The following SCAF4 variants were observed in gnomAD, a reference collection of about 807,000 sequenced individuals.
SCAF4 encodes the protein SR-related CTD associated factor 4, also known as SR-related and CTD-associated factor 4.
A neutral mutation model predicts 129.8 loss-of-function variants in SCAF4; 25 were observed. That is an observed-to-expected ratio of 0.19 (90% confidence interval 0.14 to 0.27). SCAF4 has a LOEUF of 0.27. SCAF4 is among the 10% of genes least tolerant of loss of function. The probability of loss-of-function intolerance (pLI) is 1.00; values close to 1 mark genes in which losing one functional copy is unlikely to be tolerated. For synonymous variants in SCAF4, 551 were observed against 497.7 expected (o/e 1.11, Z -1.43); for missense variants, 1,246 against 1,457.1 (o/e 0.86, Z 2.36).
intron 1 of SCAF4, among the ~76,000 whole-genome samples, chr21:31,717,852 C>T (rs1460872137): frequency 3.5e-4 from 44 of 124,544 alleles, no homozygotes; most frequent in African/African-American, 1.1e-3. Flanking sequence ...TACACACACA[C>T]ACACACACAC....
rs1466212618 is a variant in SCAF4 at position 31,693,500 on chromosome 21, G to A, written c.1323-16C>T. On this transcript the variant is annotated splice_polypyrimidine_tract_variant and intron_variant, in intron 11 of 19. Coordinates refer to ENST00000286835, the MANE Select transcript of SCAF4 (RefSeq NM_020706.2). ...TTTTGGTGACCTAATGTTTTCAAGA[G>A]AAGGGAGAATGCATAGCATATAGAC... 6.9e-7 allele frequency: 1 copy of A among 1,457,018 alleles called. No individual in the cohort carries two copies. The highest frequency in any genetic ancestry group is 9.2e-7 in the Non-Finnish European group (1 of 1,084,722). The allele number at this position is 1,457,018 out of a possible 1,614,324, so 90.3% of individuals were successfully genotyped here.
At chr21:31,716,150 A>C (rs1601259282) in intron 1 of SCAF4, among the ~76,000 whole-genome samples, 2 of 152,020 alleles carry the variant, frequency 1.3e-5, no homozygotes, top group Middle Eastern at 3.4e-3. Flanking sequence ...CTCAAGCAAT[A>C]TTTCTTTCTG....
rs2050348881 is a variant in SCAF4 at position 31,694,917 on chromosome 21, G to A, written c.1132C>T (p.Pro378Ser). Reference sequence around the variant, plus strand: ...GGAGGAATCACAGGCTGAGCCATGGGAGGAAATGGAGGTGTAGGAAGAAGT... The same window carrying A: ...GGAGGAATCACAGGCTGAGCCATGGAAGGAAATGGAGGTGTAGGAAGAAGT... The part of the protein sequence containing the change: ...FGLLPTPPFP[P>S]MAQPVIPPTP... Residue 378 changes from proline to serine, a missense_variant, in exon 10 of 20, where the codon CCC becomes TCC. Pro to Ser is a moderately conservative substitution (Grantham distance 74, BLOSUM62 -1). Transcript: ENST00000286835. The A allele has an allele frequency of 1.2e-6, 2 of 1,614,116 alleles. No individual in the cohort carries two copies. The highest frequency in any genetic ancestry group is 1.1e-5 in the South Asian group (1 of 91,080).
intron 14 of SCAF4, among the ~76,000 whole-genome samples, 189 bp from the exon 15 acceptor site, chr21:31,691,142 T>C (rs1163317629): frequency 5.3e-5 from 8 of 152,182 alleles, no homozygotes; most frequent in Admixed American, 4.6e-4. Context: ...TCTCACTTTG[T>C]CCTAGGATGG....
At chr21:31,682,125 A>AT (rs2050009184) in intron 19 of SCAF4, among the ~76,000 whole-genome samples, 1 of 152,160 alleles carries the variant, frequency 6.6e-6, no homozygotes, top group African/African-American at 2.4e-5. Flanking sequence ...GTCAAGATAA[A>AT]TTTTTTCCTA....
At chr21:31,702,401 A>T (rs892280515) in intron 4 of SCAF4, 22 bp from the exon 5 acceptor site, 1 of 1,604,820 alleles carries the variant, frequency 6.2e-7, no homozygotes, top group Non-Finnish European at 8.5e-7. Flanking sequence ...GAGAAACACA[A>T]ATATACAATA....
At chr21:31,706,409 A>T (rs1180897924) in intron 1 of SCAF4, 52 bp from the exon 2 acceptor site, 1 of 1,210,698 alleles carries the variant, frequency 8.3e-7, no homozygotes, top group Non-Finnish European at 1.2e-6. Flanking sequence ...TTGGCTAGTA[A>T]ATAAGCACCT....
chr21:31,689,254 T>C (rs953446735), intron 15 of SCAF4, among the ~76,000 whole-genome samples: 2 of 151,964 alleles, frequency 1.3e-5, no homozygotes, highest in Non-Finnish European at 2.9e-5. Flanking sequence ...TTGTTTCATC[T>C]CTTTTTGGCT....
rs1357752049 is a variant in SCAF4 at position 31,693,402 on chromosome 21, T to C, written c.1405A>G (p.Arg469Gly). 3 of 1,585,376 alleles carry C rather than the reference T, an allele frequency of 1.9e-6. No homozygotes were observed. Among genetic ancestry groups the C allele is most frequent in the Admixed American group, 1.7e-5 (1 of 59,260 alleles). The part of the protein sequence containing the change: ...HRRSRSRSRD[R>G]RRHSPRSRSQ... ...CGAGATCGGGGAGAATGTCGGCGTCTATCCCTGGACCGAGATCGAGAACGT... is the reference window on the plus strand; with the variant it reads ...CGAGATCGGGGAGAATGTCGGCGTCCATCCCTGGACCGAGATCGAGAACGT... The change falls in exon 12 of 20, where the codon AGA (arginine) becomes GGA (glycine). Residue 469 changes from arginine to glycine, a missense_variant. Coordinates refer to ENST00000286835, the MANE Select transcript of SCAF4 (RefSeq NM_020706.2).
chr21:31,681,878 T>G (rs2050002819), intron 19 of SCAF4, among the ~76,000 whole-genome samples: 1 of 152,180 alleles, frequency 6.6e-6, no homozygotes, highest in Non-Finnish European at 1.5e-5. Context: ...CACTACAGAA[T>G]TTTTGGAGAC....
chr21:31,677,849 T>C (rs1301913294), intron 19 of SCAF4, among the ~76,000 whole-genome samples: 1 of 152,194 alleles, frequency 6.6e-6, no homozygotes, highest in Non-Finnish European at 1.5e-5. Flanking sequence ...CTTGGAAGGT[T>C]ATTTCATCTC....
intron 7 of SCAF4, among the ~76,000 whole-genome samples, chr21:31,696,980 GTA>G (rs2050403550): frequency 1.3e-5 from 2 of 152,196 alleles, no homozygotes; most frequent in South Asian, 4.1e-4. Flanking sequence ...TTCCTCAATT[GTA>G]AGTACAGTGC....
rs375221844 is a variant in SCAF4, at chr21:31,703,940, G to A, written c.160-14C>T. 88 of 1,509,762 alleles carry A rather than the reference G, an allele frequency of 5.8e-5. 1 individual carries two copies. In the African/African-American group the frequency reaches 1.0e-3, roughly 17 times the overall value. The allele number at this position is 1,509,762 out of a possible 1,614,324, so 93.5% of individuals were successfully genotyped here. A position where few individuals can be genotyped will look rare whatever the true frequency, so the allele number is the denominator to read the frequency against. On this transcript the variant is annotated splice_polypyrimidine_tract_variant and intron_variant, in intron 3 of 19. Transcript: ENST00000286835. Reference sequence around the variant, plus strand: ...TTCTGGTTTACACTGCAAGGATAAAGATGTAAGATCAGTACAGAAAAAGCA... The same window carrying A: ...TTCTGGTTTACACTGCAAGGATAAAAATGTAAGATCAGTACAGAAAAAGCA...
intron 19 of SCAF4, among the ~76,000 whole-genome samples, chr21:31,681,108 C>A (rs181055490): frequency 4.8e-4 from 73 of 152,288 alleles, no homozygotes; most frequent in African/African-American, 1.6e-3. Flanking sequence ...TGCTTTAAAA[C>A]CTTTGGTAAC....
At position 31,712,222 on chromosome 21, in the gene SCAF4, C is replaced by CTTTTTTTTTTTTT. The variant is rs11408552; in HGVS notation, c.31-5878_31-5866dup. 5.8e-4 allele frequency among the ~76,000 whole-genome samples: 79 copies of CTTTTTTTTTTTTT among 135,412 alleles called. 1 individual carries two copies. Among genetic ancestry groups the CTTTTTTTTTTTTT allele is most frequent in the African/African-American group, 2.1e-3 (74 of 35,792 alleles). 88.8% of individuals were successfully genotyped at this position (135,412 alleles called of 152,430 possible). ...GTTTGATTCTCCCATTTGTTTGTTG[C>CTTTTTTTTTTTTT]TTTTTTTTTTTTTTTGAGACAGTCT... On this transcript the variant is annotated intron_variant, in intron 1 of 19. Transcript: ENST00000286835.
At chr21:31,691,368 T>G (rs1182122691) in intron 14 of SCAF4, among the ~76,000 whole-genome samples, 1 of 152,172 alleles carries the variant, frequency 6.6e-6, no homozygotes, top group Non-Finnish European at 1.5e-5. Flanking sequence ...AATGGGGTGT[T>G]AAGACACTGA....
At chr21:31,675,029 G>C (rs1472843222) in intron 19 of SCAF4, among the ~76,000 whole-genome samples, 1 of 152,092 alleles carries the variant, frequency 6.6e-6, no homozygotes, top group East Asian at 1.9e-4. Context: ...AAATGCACAA[G>C]GCCAGTGAGT....
chr21:31,705,219 T>C (rs367634144), intron 3 of SCAF4, among the ~76,000 whole-genome samples: 1 of 152,192 alleles, frequency 6.6e-6, no homozygotes, highest in Non-Finnish European at 1.5e-5. Context: ...CTGCTGTGAG[T>C]TGAGTGCTAA....
chr21:31,694,626 C>T (rs141538007), intron 10 of SCAF4, among the ~76,000 whole-genome samples, 187 bp downstream of exon 10: 22 of 152,274 alleles, frequency 1.4e-4, no homozygotes, highest in Non-Finnish European at 2.9e-4. Context: ...CTCACAGAAT[C>T]CTATGGAAGT....
Sources: gnomAD v4.1 joint callset for allele counts (sites outside exome capture counted in the v4.1 genomes callset) on GRCh38, gnomAD v4.1.1 for gene constraint, MANE v1.5 for transcripts, NCBI Gene and HGNC (gene_info 2026-07-23, HGNC 2026-07-21) for gene names.